Variants in DHX38 observed in about 807,000 individuals in gnomAD.
DHX38 encodes the protein pre-mRNA-splicing factor ATP-dependent RNA helicase PRP16.
DHX38 carries 100 observed loss-of-function variants against 153.1 expected under a neutral mutation model. That is an observed-to-expected ratio of 0.65 (90% confidence interval 0.56 to 0.77). DHX38 has a LOEUF of 0.77. DHX38 is among the 30% of genes least tolerant of loss of function. The pLI, the probability that DHX38 is intolerant of heterozygous loss-of-function variation, is 0.00. For missense variants in DHX38, 1,440 were observed against 1,654.0 expected (o/e 0.87, Z 2.24); for synonymous variants, 650 against 631.7 (o/e 1.03, Z -0.43).
At chr16:72,100,370 C>G in intron 8 of DHX38, 66 bp from the exon 9 acceptor site, 1 of 1,559,828 alleles carries the variant, frequency 6.4e-7, no homozygotes, top group Non-Finnish European at 8.7e-7. Flanking sequence ...GTGGACTTAC[C>G]TCATAACCTT....
At chr16:72,098,258 C>A (rs1029310652) in intron 4 of DHX38, among the ~76,000 whole-genome samples, 2 of 151,906 alleles carry the variant, frequency 1.3e-5, no homozygotes, top group Non-Finnish European at 2.9e-5. Flanking sequence ...CATGGTGAAA[C>A]CCCATCCCTA....
chr16:72,109,586 T>C, intron 25 of DHX38, 76 bp downstream of exon 25: 2 of 1,387,822 alleles, frequency 1.4e-6, no homozygotes, highest in Middle Eastern at 1.8e-4. Flanking sequence ...TATTGAAGAC[T>C]TGCGGTCATC....
chr16:72,103,305 G>C, intron 12 of DHX38, 94 bp downstream of exon 12: 1 of 1,486,736 alleles, frequency 6.7e-7, no homozygotes, highest in East Asian at 2.3e-5. Flanking sequence ...TTTGTGCATT[G>C]CACCCAGTGG....
In DHX38 at chr16:72,099,051, G is replaced by A; in HGVS notation, c.883+6G>A. 6.2e-7 allele frequency: 1 copy of A among 1,612,220 alleles called. No homozygotes were observed. ...GCGTCTGTCCAGGGGCCGAGGTGAG[G>A]CCTGTGGGGCAGCAGGCAGAAGAGC... On this transcript the variant is annotated splice_donor_region_variant and intron_variant, in intron 6 of 26. Transcript: ENST00000268482.
intron 11 of DHX38, 54 bp downstream of exon 11, chr16:72,101,666 T>C (rs1413532078): frequency 6.2e-6 from 9 of 1,459,666 alleles, no homozygotes; most frequent in South Asian, 6.1e-5. Context: ...TGGGGGCCCA[T>C]GTGGGCAGTT....
At position 72,103,739 on chromosome 16, in the gene DHX38, C is replaced by T; in HGVS notation, c.1775C>T (p.Ser592Leu). The change falls in exon 13 of 27, where the codon TCA becomes TTA. Residue 592 changes from serine to leucine, a missense_variant. This residue lies in a region of DHX38 where 241 missense variants were observed against 229.5 expected (regional missense o/e 1.05). Coordinates refer to ENST00000268482, the MANE Select transcript of DHX38 (RefSeq NM_014003.4). ...CAGCCCCGGCGTGTAGCTGCCATGT[C>T]AGTGGCCAAGAGAGTCAGTGAAGAG... ...CTQPRRVAAM[S>L]VAKRVSEEMG... 6.2e-7 allele frequency: 1 copy of T among 1,614,050 alleles called. No individual in the cohort carries two copies. Among genetic ancestry groups the T allele is most frequent in the Non-Finnish European group, 8.5e-7 (1 of 1,179,934 alleles).
At chr16:72,108,690 G>A (rs952855651) in intron 23 of DHX38, 83 bp downstream of exon 23, 51 of 1,587,840 alleles carry the variant, frequency 3.2e-5, no homozygotes, top group Non-Finnish European at 4.2e-5. Context: ...GTGTGGTTCT[G>A]CAGATCTGGG....
chr16:72,102,546 C>T (rs1192117804), intron 11 of DHX38, among the ~76,000 whole-genome samples: 1 of 152,182 alleles, frequency 6.6e-6, no homozygotes, highest in Non-Finnish European at 1.5e-5. Context: ...TTGCAGGTTA[C>T]TGTTTAGTGG....
At position 72,096,377 on chromosome 16, in the gene DHX38, T is replaced by C; in HGVS notation, c.220T>C (p.Ser74Pro). 1 of 1,613,920 alleles carries C rather than the reference T, an allele frequency of 6.2e-7. No homozygotes were observed. Among genetic ancestry groups the C allele is most frequent in the Non-Finnish European group, 8.5e-7 (1 of 1,179,990 alleles). Residue 74 changes from serine to proline, a missense_variant, in exon 2 of 27, where the codon TCC becomes CCC. Around this residue, in one of 6 missense-constraint regions of DHX38, gnomAD observed 483 missense variants for 465.1 expected, o/e 1.04. Coordinates refer to ENST00000268482, the MANE Select transcript of DHX38 (RefSeq NM_014003.4). ...GGACGATGGGGAGGACAAGAAGAAGTCCAAAGTCTCCTCCTACAAGGACTG... is the reference window on the plus strand; with the variant it reads ...GGACGATGGGGAGGACAAGAAGAAGCCCAAAGTCTCCTCCTACAAGGACTG... ...EKDDGEDKKK[S>P]KVSSYKDWEE...
In DHX38 at chr16:72,099,718, C is replaced by T; in HGVS notation, c.961-14C>T. The T allele has an allele frequency of 6.2e-7, 1 of 1,613,898 alleles. No individual in the cohort carries two copies. Among genetic ancestry groups the T allele is most frequent in the Non-Finnish European group, 8.5e-7 (1 of 1,179,876 alleles). On this transcript the variant is annotated splice_polypyrimidine_tract_variant and intron_variant, in intron 7 of 26. Coordinates refer to ENST00000268482, the MANE Select transcript of DHX38 (RefSeq NM_014003.4). Reference sequence around the variant, plus strand: ...TCTGTCCCTCACTCCCTTGCTTTGCCTCCTGCCCTGCAGCAAGCCGATCGG... The same window carrying T: ...TCTGTCCCTCACTCCCTTGCTTTGCTTCCTGCCCTGCAGCAAGCCGATCGG...
Position 72,096,186 on chromosome 16 carries a change from T to C in DHX38, c.29T>C (p.Ile10Thr). 6.2e-7 allele frequency: 1 copy of C among 1,607,432 alleles called. No homozygotes were observed. Among genetic ancestry groups the C allele is most frequent in the East Asian group, 2.2e-5 (1 of 44,670 alleles). ...GGGGACACCAGTGAGGATGCCTCGA[T>C]CCATCGATTGGAAGGCACTGATCTG... MGDTSEDASIHRLEGTDLDC... is the reference protein window; with the variant it reads MGDTSEDASTHRLEGTDLDC... The change falls in exon 2 of 27, where the codon ATC becomes ACC. Residue 10 changes from isoleucine (I) to threonine (T), a missense_variant. By Grantham distance (89) the Ile-to-Thr change is moderately conservative (BLOSUM62 -1). This residue lies in a region of DHX38 where 483 missense variants were observed against 465.1 expected (regional missense o/e 1.04). Transcript: ENST00000268482.
rs1189585022 is a variant in DHX38, at chr16:72,112,447, C to G, written c.3634C>G (p.Gln1212Glu). Residue 1212 changes from glutamine (Q) to glutamate (E), a missense_variant, in exon 27 of 27, where the codon CAA (glutamine) becomes GAA (glutamate). Physicochemically the swap from Gln to Glu is conservative, Grantham distance 29 (BLOSUM62 2). Coordinates refer to ENST00000268482, the MANE Select transcript of DHX38 (RefSeq NM_014003.4). ...TKIYTPGRKE[Q>E]GEPMTPRRTP... is the part of the protein sequence containing the mutation. Reference sequence around the variant, plus strand: ...GATCTACACTCCAGGCCGGAAAGAGCAAGGGGAGCCCATGACCCCTCGCCG... The same window carrying G: ...GATCTACACTCCAGGCCGGAAAGAGGAAGGGGAGCCCATGACCCCTCGCCG... 6.2e-7 allele frequency: 1 copy of G among 1,611,468 alleles called. No individual in the cohort carries two copies. Among genetic ancestry groups the G allele is most frequent in the African/African-American group, 1.3e-5 (1 of 75,052 alleles).
At chr16:72,094,664 G>C (rs532139531) in intron 1 of DHX38, among the ~76,000 whole-genome samples, 33 of 152,224 alleles carry the variant, frequency 2.2e-4, no homozygotes, top group Non-Finnish European at 3.7e-4. Flanking sequence ...AGCTAATGAA[G>C]TTCTCTCTGG....
rs150617 is a variant in DHX38, at chr16:72,105,497, T to C, written c.2380-20T>C. 0.91 allele frequency: 1,461,180 copies of C among 1,613,812 alleles called. 662,336 individuals carry two copies. Among genetic ancestry groups the C allele is most frequent in the African/African-American group, 0.98 (73,554 of 75,030 alleles). The stretch of plus-strand genomic sequence containing the variant: ...TGTCTCGAGGGACTCATTTTTCCCT[T>C]CCTGTATGTCCTGCTCTAGGCTCCA... On this transcript the variant is annotated intron_variant, in intron 17 of 26. Transcript: ENST00000268482.
chr16:72,099,139 G>GA (rs913780597), intron 6 of DHX38, 65 bp from the exon 7 acceptor site: 4 of 1,594,612 alleles, frequency 2.5e-6, no homozygotes, highest in Non-Finnish European at 3.4e-6. Context: ...TGGCCCTGCA[G>GA]ATCTGTCTGG....
chr16:72,096,780 C>T (rs1308069261), intron 2 of DHX38, 42 bp from the exon 3 acceptor site: 5 of 1,567,690 alleles, frequency 3.2e-6, no homozygotes, highest in Non-Finnish European at 4.3e-6. Context: ...CAGAGTTTTT[C>T]TCCTATGGAG....
chr16:72,101,902 T>C (rs1301790397), intron 11 of DHX38, among the ~76,000 whole-genome samples: 1 of 152,168 alleles, frequency 6.6e-6, no homozygotes, highest in Non-Finnish European at 1.5e-5. Context: ...AGCTTGTCAG[T>C]GAGGGAGTTA....
At chr16:72,099,964 A>G (rs2042078202) in intron 8 of DHX38, 77 bp downstream of exon 8, 19 of 1,518,926 alleles carry the variant, frequency 1.3e-5, no homozygotes, top group Non-Finnish European at 1.5e-5. Context: ...GTTATCCCCA[A>G]GTGAGGGCAG....
intron 26 of DHX38, 78 bp downstream of exon 26, chr16:72,111,155 G>A: frequency 6.8e-7 from 1 of 1,463,848 alleles, no homozygotes; most frequent in Non-Finnish European, 9.0e-7. Flanking sequence ...CTGATGCAGG[G>A]TCAGGATTTA....
Sources: gnomAD v4.1 joint callset for allele counts (sites outside exome capture counted in the v4.1 genomes callset) on GRCh38, gnomAD v4.1.1 for gene constraint, gnomAD v4.1.1 regional missense constraint, MANE v1.5 for transcripts, NCBI Gene and HGNC (gene_info 2026-07-23, HGNC 2026-07-21) for gene names.